The following DLG2 variants were observed in gnomAD, a reference collection of about 807,000 sequenced individuals.
DLG2 encodes the protein discs large MAGUK scaffold protein 2.
DLG2 carries 45 observed loss-of-function variants against 132.5 expected under a neutral mutation model. The ratio of observed to expected loss-of-function variants is 0.34; its 90% CI spans 0.27 to 0.44. DLG2 has a LOEUF of 0.44. DLG2 is among the 20% of genes least tolerant of loss of function. The probability of loss-of-function intolerance (pLI) is 1.00; values close to 1 mark genes in which losing one functional copy is unlikely to be tolerated. For missense variants in DLG2, 1,045 were observed against 1,196.9 expected (o/e 0.87, Z 1.87); for synonymous variants, 424 against 419.6 (o/e 1.01, Z -0.13).
At chr11:85,334,146 T>C (rs569368728) in intron 3 of DLG2, among the ~76,000 whole-genome samples, 3 of 152,182 alleles carry the variant, frequency 2.0e-5, no homozygotes, top group Non-Finnish European at 2.9e-5. Context: ...AATTTCTTCC[T>C]GGTTCAATCT....
In DLG2 at chr11:84,935,776, C is replaced by G. The variant is rs190871193; in HGVS notation, c.357+175885G>C. Among the ~76,000 whole-genome samples the G allele has an allele frequency of 1.1e-3, 160 of 152,244 alleles. 1 individual carries two copies. The highest frequency in any genetic ancestry group is 8.5e-3 in the Admixed American group (130 of 15,278). ...TCACTAATGCTGAGATTAGAAAACT[C>G]TAATCTAGAAAGCTTTCCCTTCTAC... On this transcript the variant is annotated intron_variant, in intron 6 of 27. Transcript: ENST00000376104.
At chr11:84,448,597 A>G (rs2099042487) in intron 7 of DLG2, among the ~76,000 whole-genome samples, 1 of 152,024 alleles carries the variant, frequency 6.6e-6, no homozygotes, top group Non-Finnish European at 1.5e-5. Flanking sequence ...ATATGTGACA[A>G]ATCTTGACAA....
intron 19 of DLG2, among the ~76,000 whole-genome samples, chr11:83,549,863 A>G (rs1397016405): frequency 6.6e-6 from 1 of 152,164 alleles, no homozygotes; most frequent in Admixed American, 6.5e-5. Context: ...ATAATTCACT[A>G]TGTGATCTTG....
At chr11:84,369,179 CTG>C (rs2098696202) in intron 7 of DLG2, among the ~76,000 whole-genome samples, 1 of 151,738 alleles carries the variant, frequency 6.6e-6, no homozygotes, top group South Asian at 2.1e-4. Flanking sequence ...ATACACAAAT[CTG>C]TGAGTTTAGG....
chr11:85,205,992 GA>G (rs1246300457), intron 4 of DLG2, among the ~76,000 whole-genome samples: 1 of 152,166 alleles, frequency 6.6e-6, no homozygotes, highest in Admixed American at 6.6e-5. Context: ...ATCTCATGTG[GA>G]ATTGTAATCC....
Position 84,277,127 on chromosome 11 carries a change from A to T in DLG2, c.520-25836T>A, listed in dbSNP as rs1284283439. ...AGCAAGTAGAAATAGATAAATCCAC[A>T]ATTATAATTGAAGATATCAACACCT... On this transcript the variant is annotated intron_variant, in intron 7 of 27. Coordinates refer to ENST00000376104, the MANE Select transcript of DLG2 (RefSeq NM_001142699.3). Among the ~76,000 whole-genome samples the T allele has an allele frequency of 6.6e-5, 10 of 152,338 alleles. No individual in the cohort carries two copies. The South Asian group carries it at 2.1e-3, about 32-fold the overall frequency.
chr11:84,923,601 C>T (rs1480531897), intron 6 of DLG2: 36 of 990,568 alleles, frequency 3.6e-5, no homozygotes, highest in Non-Finnish European at 4.1e-5. Context: ...AAGAGGAAAC[C>T]CTTCTTCCTT....
At chr11:84,539,571 G>A (rs1374429328) in intron 6 of DLG2, among the ~76,000 whole-genome samples, 2 of 152,162 alleles carry the variant, frequency 1.3e-5, no homozygotes, top group Non-Finnish European at 2.9e-5. Flanking sequence ...GGGGACTTGA[G>A]TAAAAGAAAC....
chr11:85,247,742 A>T (rs2076207419), intron 4 of DLG2, among the ~76,000 whole-genome samples: 1 of 152,036 alleles, frequency 6.6e-6, no homozygotes, highest in Admixed American at 6.6e-5. Flanking sequence ...ACTTCAACAA[A>T]GAGACTGAAG....
rs145482589 is a variant in DLG2, at chr11:84,911,156, T to C, written c.357+200505A>G. ...TTGTTTATGCTTCATAACAACCCAATAAGGTGCAATGTTAATACTTTGTTG... is the reference window on the plus strand; with the variant it reads ...TTGTTTATGCTTCATAACAACCCAACAAGGTGCAATGTTAATACTTTGTTG... On this transcript the variant is annotated intron_variant, in intron 6 of 27. Transcript: ENST00000376104. Among the ~76,000 whole-genome samples the C allele has an allele frequency of 5.1e-3, 774 of 152,266 alleles. 6 individuals carry two copies. The highest frequency in any genetic ancestry group is 0.018 in the African/African-American group (758 of 41,578).
chr11:84,818,195 G>C (rs1481611840), intron 6 of DLG2, among the ~76,000 whole-genome samples: 1 of 151,982 alleles, frequency 6.6e-6, no homozygotes, highest in East Asian at 1.9e-4. Context: ...ACAATGACTG[G>C]CAGGCATTCT....
At chr11:83,690,695 G>A (rs947612313) in intron 18 of DLG2, among the ~76,000 whole-genome samples, 16 of 143,968 alleles carry the variant, frequency 1.1e-4, no homozygotes, top group Admixed American at 9.6e-4. Flanking sequence ...GGTGGGGGGG[G>A]TGTCTGCAAA....
chr11:85,073,012 A>T (rs988825776), intron 6 of DLG2, among the ~76,000 whole-genome samples: 1 of 151,896 alleles, frequency 6.6e-6, no homozygotes, highest in Non-Finnish European at 1.5e-5. Flanking sequence ...TGGAATGACA[A>T]GGTATTTATT....
chr11:84,072,756 A>C (rs192440793), intron 10 of DLG2, among the ~76,000 whole-genome samples: 158 of 152,368 alleles, frequency 1.0e-3, no homozygotes, highest in Non-Finnish European at 1.4e-3. Flanking sequence ...ATAATTCTCC[A>C]GGTACAATGT....
chr11:83,751,157 A>C (rs1271181625), intron 18 of DLG2, among the ~76,000 whole-genome samples: 1 of 152,234 alleles, frequency 6.6e-6, no homozygotes, highest in African/African-American at 2.4e-5. Flanking sequence ...ACTTTTTAAT[A>C]AAGTTTGAAG....
At chr11:85,462,650 G>A (rs988087793) in intron 3 of DLG2, among the ~76,000 whole-genome samples, 6 of 151,988 alleles carry the variant, frequency 3.9e-5, no homozygotes, top group Non-Finnish European at 7.4e-5. Flanking sequence ...GGGGCCTGTT[G>A]TGGGGTGGGG....
intron 6 of DLG2, among the ~76,000 whole-genome samples, chr11:84,774,744 G>T (rs922465903): frequency 6.6e-6 from 1 of 152,078 alleles, no homozygotes; most frequent in African/African-American, 2.4e-5. Flanking sequence ...TCCATATGCA[G>T]AAGAATAAAC....
At chr11:84,081,390 A>G (rs2096900853) in intron 10 of DLG2, among the ~76,000 whole-genome samples, 1 of 152,148 alleles carries the variant, frequency 6.6e-6, no homozygotes, top group African/African-American at 2.4e-5. Context: ...TATTAATTCA[A>G]TCAGACAAAT....
At chr11:85,319,722 A>G (rs1339191399) in intron 3 of DLG2, among the ~76,000 whole-genome samples, 1 of 151,838 alleles carries the variant, frequency 6.6e-6, no homozygotes, top group Non-Finnish European at 1.5e-5. Context: ...TTCCTGGAGA[A>G]TGTTCAATGT....
Sources: allele counts gnomAD v4.1 joint callset (sites outside exome capture counted in the v4.1 genomes callset), GRCh38; gene constraint gnomAD v4.1.1; transcripts MANE v1.5; gene names NCBI Gene and HGNC (gene_info 2026-07-23, HGNC 2026-07-21).